Variants in TMEM38B observed in about 807,000 individuals in gnomAD.
The protein encoded by TMEM38B is trimeric intracellular cation channel type B.
A neutral mutation model predicts 28.7 loss-of-function variants in TMEM38B; 24 were observed. The observed-to-expected ratio is 0.84, with a 90% CI of 0.61 to 1.18. The LOEUF is 1.18. TMEM38B is among the 50% of genes most tolerant of loss of function. The probability of loss-of-function intolerance (pLI) is 0.00; values close to 1 mark genes in which losing one functional copy is unlikely to be tolerated. For missense variants in TMEM38B, 380 were observed against 350.9 expected, an observed-to-expected ratio of 1.08 and a Z score of -0.66; for synonymous variants, 131 against 127.7, an observed-to-expected ratio of 1.03 and a Z score of -0.17.
intron 2 of TMEM38B, among the ~76,000 whole-genome samples, chr9:105,706,791 T>C (rs1588391944): frequency 6.6e-6 from 1 of 152,242 alleles, no homozygotes; most frequent in Non-Finnish European, 1.5e-5. Context: ...TGTTCTTGAA[T>C]TGAGCTGCTA....
chr9:105,716,842 A>T (rs1247591230), intron 2 of TMEM38B, among the ~76,000 whole-genome samples: 2 of 152,220 alleles, frequency 1.3e-5, no homozygotes, highest in African/African-American at 4.8e-5. Flanking sequence ...ATAAGAATAC[A>T]TCAGGGACAG....
chr9:105,710,518 C>A (rs1835862369), intron 2 of TMEM38B: 10 of 1,184,054 alleles, frequency 8.4e-6, no homozygotes, highest in Non-Finnish European at 1.3e-5. Flanking sequence ...TCCGATCCCC[C>A]TGGGCAAACT....
intron 2 of TMEM38B, among the ~76,000 whole-genome samples, chr9:105,706,865 C>A (rs1835689443): frequency 6.6e-6 from 1 of 152,062 alleles, no homozygotes; most frequent in African/African-American, 2.4e-5. Context: ...CAACCTCCAC[C>A]TCCTGGGTTC....
At chr9:105,755,929 G>A (rs1837814562) in intron 5 of TMEM38B, among the ~76,000 whole-genome samples, 1 of 152,104 alleles carries the variant, frequency 6.6e-6, no homozygotes, top group South Asian at 2.1e-4. Flanking sequence ...TCTAATAGAT[G>A]TTTTAAAAGG....
rs759074520 is a variant in TMEM38B, at chr9:105,705,612, C to T, written c.128C>T (p.Ala43Val). The T allele has an allele frequency of 1.4e-5, 23 of 1,613,446 alleles. No homozygotes were observed. The East Asian group carries it at 4.0e-4, about 28-fold the overall frequency. ...ACCATTTCAGGAGCAGCTGCATTGGCATGGAAGAATCCTATTTCAAGCTGG... is the reference window on the plus strand; with the variant it reads ...ACCATTTCAGGAGCAGCTGCATTGGTATGGAAGAATCCTATTTCAAGCTGG... The part of the protein sequence containing the change: ...VKRQPGAAAL[A>V]WKNPISSWFT... Residue 43 changes from alanine (A) to valine (V), a missense_variant, in exon 2 of 6, where the codon GCA becomes GTA. Coordinates refer to ENST00000374692, the MANE Select transcript of TMEM38B (RefSeq NM_018112.3).
intron 5 of TMEM38B, among the ~76,000 whole-genome samples, chr9:105,752,077 C>G (rs1022927540): frequency 2.0e-5 from 3 of 152,136 alleles, no homozygotes; most frequent in Admixed American, 2.0e-4. Flanking sequence ...AGATCATTAC[C>G]AGACTGTTTT....
intron 4 of TMEM38B, among the ~76,000 whole-genome samples, chr9:105,725,181 C>T (rs1275412778): frequency 6.6e-6 from 1 of 152,040 alleles, no homozygotes; most frequent in Non-Finnish European, 1.5e-5. Context: ...CTTAAAATTG[C>T]AACACCTCGT....
intron 4 of TMEM38B, among the ~76,000 whole-genome samples, chr9:105,735,716 T>A (rs1366851689): frequency 6.6e-6 from 1 of 152,208 alleles, no homozygotes; most frequent in East Asian, 1.9e-4. Context: ...TTTAGAATTC[T>A]CTCCTTGCCT....
intron 4 of TMEM38B, among the ~76,000 whole-genome samples, chr9:105,732,342 G>A (rs1359796782): frequency 6.6e-6 from 1 of 152,136 alleles, no homozygotes; most frequent in Non-Finnish European, 1.5e-5. Flanking sequence ...TTTGGCTTTT[G>A]TTGCCATTGC....
At chr9:105,749,978 C>T (rs1837585589) in intron 5 of TMEM38B, among the ~76,000 whole-genome samples, 1 of 152,148 alleles carries the variant, frequency 6.6e-6, no homozygotes, top group Non-Finnish European at 1.5e-5. Flanking sequence ...TTTATATTCC[C>T]ACCAGCAATG....
In TMEM38B at chr9:105,718,810, G is replaced by T. The variant is rs756536808; in HGVS notation, c.270-2727G>T. Among the ~76,000 whole-genome samples, 38 of 151,892 alleles carry T rather than the reference G, an allele frequency of 2.5e-4. 1 individual carries two copies. The highest frequency in any genetic ancestry group is 2.5e-3 in the Admixed American group (38 of 15,252). ...CTATATATTTTTCTTAAAATTCCAA[G>T]TATCAATTACTTATATATGGCACAT... On this transcript the variant is annotated intron_variant, in intron 2 of 5. Coordinates refer to ENST00000374692, the MANE Select transcript of TMEM38B (RefSeq NM_018112.3).
rs1042692545 is a variant in TMEM38B, at chr9:105,762,704, G to T, written c.661-11161G>T. On this transcript the variant is annotated intron_variant, in intron 5 of 5. Coordinates refer to ENST00000374692, the MANE Select transcript of TMEM38B (RefSeq NM_018112.3). ...CCAAGTCTTTGCTATTGTGAATAAT[G>T]CCGCAATAAACATACATGTGCATGT... 2.1e-5 allele frequency among the ~76,000 whole-genome samples: 3 copies of T among 142,622 alleles called. No homozygotes were observed. The Admixed American group carries it at 2.1e-4, about 10-fold the overall frequency. The allele number at this position is 142,622 out of a possible 152,430, so 93.6% of individuals were successfully genotyped here. A position where few individuals can be genotyped will look rare whatever the true frequency, so the allele number is the denominator to read the frequency against.
At chr9:105,731,715 A>G (rs1252546343) in intron 4 of TMEM38B, among the ~76,000 whole-genome samples, 1 of 152,158 alleles carries the variant, frequency 6.6e-6, no homozygotes, top group Non-Finnish European at 1.5e-5. Flanking sequence ...ATTGTTGGAT[A>G]TTTGGGTTGG....
At chr9:105,732,317 A>C (rs1054028528) in intron 4 of TMEM38B, among the ~76,000 whole-genome samples, 3 of 152,068 alleles carry the variant, frequency 2.0e-5, no homozygotes, top group Non-Finnish European at 1.5e-5. Flanking sequence ...GTTTAATTAG[A>C]TCCCATTTGT....
chr9:105,733,281 A>G (rs1232726029), intron 4 of TMEM38B, among the ~76,000 whole-genome samples: 1 of 152,106 alleles, frequency 6.6e-6, no homozygotes, highest in Non-Finnish European at 1.5e-5. Flanking sequence ...GTATTTCTTT[A>G]TAGCAACACA....
At chr9:105,713,775 C>T (rs1180054515) in intron 2 of TMEM38B, among the ~76,000 whole-genome samples, 1 of 152,210 alleles carries the variant, frequency 6.6e-6, no homozygotes, top group East Asian at 1.9e-4. Flanking sequence ...TTCCTGGGCC[C>T]ACCCATGGCT....
intron 5 of TMEM38B, among the ~76,000 whole-genome samples, chr9:105,750,886 T>C (rs1343413664): frequency 6.6e-6 from 1 of 152,232 alleles, no homozygotes; most frequent in Non-Finnish European, 1.5e-5. Context: ...CTATTTATTG[T>C]AAAAACCGTT....
At chr9:105,700,334 T>C (rs1462515623) in intron 1 of TMEM38B, among the ~76,000 whole-genome samples, 3 of 152,212 alleles carry the variant, frequency 2.0e-5, no homozygotes, top group Non-Finnish European at 4.4e-5. Context: ...GTAGCCATCA[T>C]TGATTTTAGA....
chr9:105,730,246 C>CCTA (rs1836682413), intron 4 of TMEM38B, among the ~76,000 whole-genome samples: 1 of 152,052 alleles, frequency 6.6e-6, no homozygotes, highest in Non-Finnish European at 1.5e-5. Flanking sequence ...TTTTGAGATA[C>CCTA]GTTTCAGCAA....
Sources: allele counts gnomAD v4.1 joint callset (sites outside exome capture counted in the v4.1 genomes callset), GRCh38; gene constraint gnomAD v4.1.1; transcripts MANE v1.5; gene names NCBI Gene and HGNC (gene_info 2026-07-23, HGNC 2026-07-21).